FAP: variants seen among roughly 807,000 people sequenced by gnomAD.
FAP encodes the protein fibroblast activation protein alpha.
Under a neutral mutation model 126.5 loss-of-function variants are expected in FAP, and 110 were observed. The observed-to-expected ratio is 0.87, with a 90% confidence interval of 0.74 to 1.02. The LOEUF is 1.02. Ranked by LOEUF, FAP falls within the 50% of genes least tolerant of loss-of-function variation. The pLI is 0.00. For synonymous variants in FAP, 334 were observed against 297.3 expected (o/e 1.12, Z -1.27); for missense variants, 919 against 909.2 (o/e 1.01, Z -0.14).
chr2:162,225,442 G>A (rs372713442), intron 4 of FAP, 41 bp downstream of exon 4: 8 of 1,579,444 alleles, frequency 5.1e-6, no homozygotes, highest in Non-Finnish European at 6.9e-6. Context: ...ATGAAGAGTG[G>A]GCAAAGGTTT....
At chr2:162,234,289 T>C (rs888726955) in intron 2 of FAP, among the ~76,000 whole-genome samples, 2 of 152,236 alleles carry the variant, frequency 1.3e-5, no homozygotes, top group Non-Finnish European at 2.9e-5. Flanking sequence ...AATCTGTTGA[T>C]AAATTTAGGC....
intron 11 of FAP, among the ~76,000 whole-genome samples, chr2:162,213,034 G>A (rs181616993): frequency 6.6e-6 from 1 of 152,246 alleles, no homozygotes; most frequent in Admixed American, 6.5e-5. Context: ...AGAATAATTT[G>A]ATCTAATATC....
chr2:162,221,141 C>A (rs1486375237), intron 6 of FAP, among the ~76,000 whole-genome samples: 1 of 152,040 alleles, frequency 6.6e-6, no homozygotes, highest in Non-Finnish European at 1.5e-5. Flanking sequence ...TGGAAAGTGA[C>A]CATTGGTGCT....
At chr2:162,226,900 C>A (rs1051058492) in intron 2 of FAP, among the ~76,000 whole-genome samples, 3 of 152,130 alleles carry the variant, frequency 2.0e-5, no homozygotes, top group African/African-American at 7.2e-5. Context: ...GAAGGCCATG[C>A]AGAGTAGCTG....
Position 162,183,430 on chromosome 2 carries a change from A to T in FAP, c.1853T>A (p.Ile618Lys), listed in dbSNP as rs150287336. 1.9e-6 allele frequency: 3 copies of T among 1,610,094 alleles called. No homozygotes were observed. Among genetic ancestry groups the T allele is most frequent in the Non-Finnish European group, 2.5e-6 (3 of 1,177,602 alleles). ...ACAACTCACCCAGCCCCATATGGCT[A>T]TTCTTTTTTCATCAATGAAACCCAT... Reference protein sequence around the residue: ...IEMGFIDEKRIAIWGWSYGGY... With the variant: ...IEMGFIDEKRKAIWGWSYGGY... Residue 618 changes from isoleucine to lysine, a missense_variant, in exon 21 of 26, where the codon ATA (isoleucine) becomes AAA (lysine). By Grantham distance (102) the Ile-to-Lys change is moderately radical (BLOSUM62 -3). Coordinates refer to ENST00000188790, the MANE Select transcript of FAP (RefSeq NM_004460.5).
At chr2:162,180,264 G>A (rs1687651325) in intron 21 of FAP, among the ~76,000 whole-genome samples, 2 of 152,204 alleles carry the variant, frequency 1.3e-5, no homozygotes, top group Admixed American at 1.3e-4. Context: ...AAGCAGAAAA[G>A]CCACACAGTA....
At chr2:162,213,552 A>G (rs1345964169) in intron 11 of FAP, among the ~76,000 whole-genome samples, 1 of 152,044 alleles carries the variant, frequency 6.6e-6, no homozygotes, top group Non-Finnish European at 1.5e-5. Context: ...CTTTTGTTTA[A>G]AACATATATA....
intron 4 of FAP, among the ~76,000 whole-genome samples, 161 bp from the exon 5 acceptor site, chr2:162,224,701 G>T (rs926331024): frequency 2.0e-5 from 3 of 151,940 alleles, no homozygotes; most frequent in African/African-American, 4.8e-5. Flanking sequence ...ATAATTCAAA[G>T]AAATTTACTA....
intron 16 of FAP, chr2:162,195,012 C>A: frequency 2.1e-6 from 1 of 469,106 alleles, no homozygotes; most frequent in Non-Finnish European, 3.9e-6. Context: ...TCATTAATAT[C>A]GAATTACACA....
Position 162,183,402 on chromosome 2 carries a change from A to T in FAP, c.1869+12T>A, listed in dbSNP as rs1227607819. The T allele has an allele frequency of 6.3e-7, 1 of 1,594,412 alleles. No individual in the cohort carries two copies. On this transcript the variant is annotated intron_variant, in intron 21 of 25. Transcript: ENST00000188790. ...ACTGAATAACAGGCATAAAAAATAT[A>T]AAACAACTCACCCAGCCCCATATGG...
intron 12 of FAP, 117 bp downstream of exon 12, chr2:162,209,835 G>T: frequency 1.2e-6 from 1 of 846,666 alleles, no homozygotes; most frequent in Middle Eastern, 2.6e-4. Flanking sequence ...TTTATACCTT[G>T]CTACTTTTTC....
intron 2 of FAP, among the ~76,000 whole-genome samples, chr2:162,230,379 C>T (rs1689850278): frequency 6.6e-6 from 1 of 151,894 alleles, no homozygotes; most frequent in African/African-American, 2.4e-5. Context: ...AATTTTTTCA[C>T]ATCTCTATAT....
At chr2:162,226,845 G>A (rs1689674937) in intron 2 of FAP, among the ~76,000 whole-genome samples, 1 of 152,096 alleles carries the variant, frequency 6.6e-6, no homozygotes. Flanking sequence ...CTGCCTGGAA[G>A]GGAAAACTGG....
Position 162,224,466 on chromosome 2 carries a change from C to A in FAP, c.360G>T (p.Lys120Asn), listed in dbSNP as rs748458802. ...TATAACCAAATTAAATAGTTGATAC[C>A]TTTGAATAATCACTTTCTAGATATA... ...QFVYLESDYS[K>N]LWRYSYTATY... The change falls in exon 5 of 26, where the codon AAG (lysine) becomes AAT (asparagine). Residue 120 changes from lysine (K) to asparagine (N), a missense_variant and splice_region_variant. Transcript: ENST00000188790. 1.3e-6 allele frequency: 2 copies of A among 1,565,834 alleles called. No individual in the cohort carries two copies. The highest frequency in any genetic ancestry group is 1.7e-6 in the Non-Finnish European group (2 of 1,149,676).
At chr2:162,225,600 A>C (rs1305015296) in intron 3 of FAP, 23 bp from the exon 4 acceptor site, 1 of 1,566,420 alleles carries the variant, frequency 6.4e-7, no homozygotes, top group Admixed American at 2.0e-5. Context: ...AAGAAAACAA[A>C]ATGTAAATGA....
At chr2:162,197,294 A>G (rs1335782426) in intron 16 of FAP, among the ~76,000 whole-genome samples, 1 of 152,234 alleles carries the variant, frequency 6.6e-6, no homozygotes, top group East Asian at 1.9e-4. Flanking sequence ...AAAAGAATGT[A>G]GCCCCTGCCT....
intron 2 of FAP, among the ~76,000 whole-genome samples, chr2:162,228,642 A>G (rs1183711088): frequency 1.3e-5 from 2 of 152,170 alleles, no homozygotes; most frequent in Non-Finnish European, 2.9e-5. Flanking sequence ...TTTCTGTGTT[A>G]TCTGTGCATC....
intron 16 of FAP, among the ~76,000 whole-genome samples, chr2:162,195,670 AT>A (rs1290200491): frequency 6.6e-6 from 1 of 152,162 alleles, no homozygotes; most frequent in Non-Finnish European, 1.5e-5. Flanking sequence ...TCCAACATGC[AT>A]TCAGCTTCTC....
In FAP at chr2:162,189,881, T is replaced by C. The variant is rs563381093; in HGVS notation, c.1451-127A>G. 628 of 595,796 alleles carry C rather than the reference T, an allele frequency of 1.1e-3. 6 individuals carry two copies. Among genetic ancestry groups the C allele is most frequent in the South Asian group, 7.3e-3 (347 of 47,394 alleles). 36.9% of individuals were successfully genotyped at this position (595,796 alleles called of 1,614,324 possible). On this transcript the variant is annotated intron_variant, in intron 17 of 25. Coordinates refer to ENST00000188790, the MANE Select transcript of FAP (RefSeq NM_004460.5). ...GAAAAGCTCGCTTAAGAAGTGAAGT[T>C]TCATATTGACAAATGTATTTATAAT... is the stretch of plus-strand genomic sequence containing the variant.
Sources: allele counts gnomAD v4.1 joint callset (sites outside exome capture counted in the v4.1 genomes callset), GRCh38; gene constraint gnomAD v4.1.1; transcripts MANE v1.5; gene names NCBI Gene and HGNC (gene_info 2026-07-23, HGNC 2026-07-21).